RPA1: variants seen among roughly 807,000 people sequenced by gnomAD.
RPA1 encodes replication protein A 70 kDa DNA-binding subunit.
In RPA1, 49 loss-of-function variants were observed where a neutral mutation model predicts 83.0. The observed-to-expected ratio is 0.59, with a 90% CI of 0.47 to 0.75. The LOEUF (loss-of-function observed/expected upper bound fraction) is 0.75. Among genes scored for constraint, RPA1 ranks in the 30% least tolerant of loss-of-function variants. The probability of loss-of-function intolerance (pLI) is 0.00; values close to 1 mark genes in which losing one functional copy is unlikely to be tolerated. For missense variants in RPA1, 693 were observed against 776.1 expected (o/e 0.89, Z 1.27); for synonymous variants, 279 against 281.8 (o/e 0.99, Z 0.10).
At chr17:1,872,193 G>C (rs1913398096) in intron 5 of RPA1, 6 of 542,498 alleles carry the variant, frequency 1.1e-5, no homozygotes, top group Non-Finnish European at 2.0e-5. Context: ...TAACACTGAA[G>C]GCTATCAATT....
Position 1,897,316 on chromosome 17 carries a change from G to A in RPA1, c.*141G>A, listed in dbSNP as rs140861771. ...GACTAAGCAATTTCCCCCCTCGTGC[G>A]CATCTCAGAACCCATCGGTAGGCAA... On this transcript the variant is annotated 3_prime_UTR_variant, in exon 17 of 17. Coordinates refer to ENST00000254719, the MANE Select transcript of RPA1 (RefSeq NM_002945.5). 6.0e-5 allele frequency: 39 copies of A among 652,426 alleles called. No individual in the cohort carries two copies. In the African/African-American group the frequency reaches 7.1e-4, roughly 12 times the overall value. The allele number at this position is 652,426 out of a possible 1,614,324, so 40.4% of individuals were successfully genotyped here.
At chr17:1,878,729 G>C (rs1246866648) in intron 8 of RPA1, among the ~76,000 whole-genome samples, 1 of 152,166 alleles carries the variant, frequency 6.6e-6, no homozygotes, top group Non-Finnish European at 1.5e-5. Flanking sequence ...CTGTTTCTCA[G>C]TTGAGGCTAA....
chr17:1,842,153 G>A (rs1413955523), intron 1 of RPA1, among the ~76,000 whole-genome samples: 2 of 151,954 alleles, frequency 1.3e-5, no homozygotes, highest in African/African-American at 2.4e-5. Context: ...CTCTGCATGG[G>A]GTGGTCTTTG....
chr17:1,871,945 CT>C (rs1255083786), intron 5 of RPA1, among the ~76,000 whole-genome samples: 3 of 152,148 alleles, frequency 2.0e-5, no homozygotes, highest in Non-Finnish European at 4.4e-5. Flanking sequence ...GGGTGGAATC[CT>C]TTCTGAATGT....
chr17:1,880,443 A>T, intron 11 of RPA1, 100 bp from the exon 12 acceptor site: 1 of 1,265,190 alleles, frequency 7.9e-7, no homozygotes, highest in Non-Finnish European at 1.1e-6. Context: ...TACGCTGATT[A>T]CATTCACTCT....
chr17:1,836,809 A>G (rs947686959), intron 1 of RPA1, among the ~76,000 whole-genome samples: 2 of 150,656 alleles, frequency 1.3e-5, no homozygotes, highest in African/African-American at 4.9e-5. Flanking sequence ...CTACAAGTGC[A>G]TGCCACCACT....
intron 1 of RPA1, 71 bp from the exon 2 acceptor site, chr17:1,842,732 A>G: frequency 7.3e-7 from 1 of 1,362,912 alleles, no homozygotes; most frequent in Non-Finnish European, 1.0e-6. Flanking sequence ...CCAAATACCA[A>G]CTATAAAAAC....
chr17:1,883,595 G>A (rs17292224), intron 12 of RPA1, among the ~76,000 whole-genome samples: 87,712 of 151,942 alleles, frequency 0.58, 28,492 homozygotes, highest in Non-Finnish European at 0.76. Flanking sequence ...CAGCCTGGGT[G>A]ACAGAGTGAA....
At chr17:1,893,161 G>T (rs17339208) in intron 15 of RPA1, among the ~76,000 whole-genome samples, 2 of 152,198 alleles carry the variant, frequency 1.3e-5, no homozygotes, top group African/African-American at 2.4e-5. Flanking sequence ...GAAATAACTA[G>T]AATTGACTTT....
Position 1,891,382 on chromosome 17 carries a change from C to T in RPA1, c.1552-451C>T, listed in dbSNP as rs569266776. On this transcript the variant is annotated intron_variant, in intron 14 of 16. Coordinates refer to ENST00000254719, the MANE Select transcript of RPA1 (RefSeq NM_002945.5). Reference sequence around the variant, plus strand: ...GGGCAATTGAAAATGCAGAGAACTCCCCCGATTCACTCAAAACCCTTCATC... The same window carrying T: ...GGGCAATTGAAAATGCAGAGAACTCTCCCGATTCACTCAAAACCCTTCATC... 2.0e-5 allele frequency among the ~76,000 whole-genome samples: 3 copies of T among 152,296 alleles called. No individual in the cohort carries two copies. The South Asian group carries it at 6.2e-4, about 32-fold the overall frequency.
chr17:1,893,767 C>T (rs567539578), intron 15 of RPA1, among the ~76,000 whole-genome samples: 29 of 152,128 alleles, frequency 1.9e-4, no homozygotes, highest in Admixed American at 3.3e-4. Context: ...TTGCGCACCT[C>T]AACAGTCTTC....
intron 5 of RPA1, among the ~76,000 whole-genome samples, chr17:1,855,220 T>C (rs1295054577): frequency 1.3e-5 from 2 of 152,132 alleles, no homozygotes; most frequent in African/African-American, 2.4e-5. Context: ...TGGAGTGCAG[T>C]GGTGCCTTCT....
At chr17:1,894,637 T>C (rs1914327959) in intron 15 of RPA1, among the ~76,000 whole-genome samples, 1 of 152,206 alleles carries the variant, frequency 6.6e-6, no homozygotes, top group African/African-American at 2.4e-5. Context: ...CTTTTTTAAA[T>C]AGGCAAATTC....
chr17:1,886,688 C>T (rs1914005455), intron 13 of RPA1, among the ~76,000 whole-genome samples: 1 of 150,534 alleles, frequency 6.6e-6, no homozygotes, highest in Non-Finnish European at 1.5e-5. Context: ...TGCTGGCTGC[C>T]ATCTTTTCTT....
At chr17:1,880,330 G>A (rs977995495) in intron 11 of RPA1, among the ~76,000 whole-genome samples, 1 of 152,104 alleles carries the variant, frequency 6.6e-6, no homozygotes, top group Admixed American at 6.5e-5. Flanking sequence ...CAAGCTTTAC[G>A]CGGGGAAATG....
intron 12 of RPA1, among the ~76,000 whole-genome samples, chr17:1,883,188 G>A (rs1913860644): frequency 2.6e-5 from 4 of 152,050 alleles, no homozygotes; most frequent in Admixed American, 6.6e-5. Flanking sequence ...CGGAGTTTCG[G>A]TCTTGTTGCC....
intron 4 of RPA1, among the ~76,000 whole-genome samples, chr17:1,846,311 CTTTTTTTTT>C (rs71150823): frequency 2.6e-5 from 2 of 75,786 alleles, no homozygotes; most frequent in African/African-American, 5.2e-5. Flanking sequence ...GGAAGCTTTG[CTTTTTTTTT>C]TTTTTTTTTT....
At chr17:1,897,016 T>C in intron 16 of RPA1, 55 bp from the exon 17 acceptor site, 1 of 1,464,600 alleles carries the variant, frequency 6.8e-7, no homozygotes. Flanking sequence ...AAAAGGGGTT[T>C]CACTGCTCCA....
chr17:1,888,960 C>A, intron 14 of RPA1, 109 bp downstream of exon 14: 2 of 1,173,586 alleles, frequency 1.7e-6, no homozygotes, highest in East Asian at 2.5e-5. Flanking sequence ...GTAGGAAGCC[C>A]GCAGATGAGT....
Sources: allele counts gnomAD v4.1 joint callset (sites outside exome capture counted in the v4.1 genomes callset), GRCh38; gene constraint gnomAD v4.1.1; transcripts MANE v1.5; gene names NCBI Gene and HGNC (gene_info 2026-07-23, HGNC 2026-07-21).